Variants in RBFOX1 observed in about 807,000 individuals in gnomAD.
RBFOX1 encodes RNA binding fox-1 homolog 1, also known as RNA binding protein fox-1 homolog 1.
RBFOX1 carries 8 observed loss-of-function variants against 57.7 expected under a neutral mutation model. The observed-to-expected ratio is 0.14, with a 90% CI of 0.08 to 0.25. The LOEUF (loss-of-function observed/expected upper bound fraction) is 0.25, where lower values mean the gene tolerates loss of function less well. RBFOX1 is among the 10% of genes least tolerant of loss of function. The pLI, the probability that RBFOX1 is intolerant of heterozygous loss-of-function variation, is 1.00. For missense variants in RBFOX1, 611 were observed against 548.5 expected, an observed-to-expected ratio of 1.11 and a Z score of -1.14; for synonymous variants, 326 against 222.4, an observed-to-expected ratio of 1.47 and a Z score of -4.15.
chr16:5,910,113 C>T (rs993230868), intron 4 of RBFOX1, among the ~76,000 whole-genome samples: 1 of 151,942 alleles, frequency 6.6e-6, no homozygotes, highest in Non-Finnish European at 1.5e-5. Context: ...TGTTTTTAAT[C>T]CTCCACCAAC....
intron 1 of RBFOX1, among the ~76,000 whole-genome samples, chr16:6,183,286 C>T (rs921256449): frequency 2.6e-5 from 4 of 151,892 alleles, no homozygotes; most frequent in African/African-American, 9.7e-5. Flanking sequence ...CGAGACCATC[C>T]TGGGTAACAA....
chr16:6,258,680 G>T (rs771816803), intron 1 of RBFOX1, among the ~76,000 whole-genome samples: 2 of 152,134 alleles, frequency 1.3e-5, no homozygotes, highest in Non-Finnish European at 2.9e-5. Context: ...CAGGATAATT[G>T]TTTAAATGTT....
At chr16:5,768,345 A>G (rs1423364777) in intron 3 of RBFOX1, among the ~76,000 whole-genome samples, 2 of 152,170 alleles carry the variant, frequency 1.3e-5, no homozygotes, top group African/African-American at 4.8e-5. Flanking sequence ...AAGGCTGCTG[A>G]AATGTTAGAG....
chr16:6,371,550 C>T lies in RBFOX1; in HGVS notation c.-64+54493C>T, dbSNP rs1020126599. Among the ~76,000 whole-genome samples, 21 of 152,110 alleles carry T rather than the reference C, an allele frequency of 1.4e-4. No individual in the cohort carries two copies. In the South Asian group the frequency reaches 3.7e-3, roughly 27 times the overall value. ...TAAACCCGTAAGTTTTTTTTAATAA[C>T]ATCCTTATTCCTTGGCACCAGAAGA... On this transcript the variant is annotated intron_variant, in intron 2 of 15. Coordinates refer to ENST00000550418, the MANE Select transcript of RBFOX1 (RefSeq NM_018723.4).
At chr16:6,975,750 C>A (rs528788018) in intron 3 of RBFOX1, among the ~76,000 whole-genome samples, 1 of 152,284 alleles carries the variant, frequency 6.6e-6, no homozygotes, top group South Asian at 2.1e-4. Context: ...GTTTTCTACT[C>A]CTATGACCCC....
chr16:7,519,157 C>T (rs774964441), intron 5 of RBFOX1, among the ~76,000 whole-genome samples: 9 of 152,156 alleles, frequency 5.9e-5, no homozygotes, highest in African/African-American at 1.2e-4. Context: ...CATCTAATTT[C>T]GGAACATTTC....
intron 4 of RBFOX1, among the ~76,000 whole-genome samples, chr16:7,488,399 ATATC>A (rs2065980738): frequency 2.6e-5 from 4 of 151,526 alleles, no homozygotes; most frequent in East Asian, 2.0e-4. Flanking sequence ...ATGGACCTCT[ATATC>A]TATCTACTGT....
intron 2 of RBFOX1, among the ~76,000 whole-genome samples, chr16:6,482,479 A>C (rs2095386680): frequency 6.6e-6 from 1 of 152,248 alleles, no homozygotes; most frequent in Non-Finnish European, 1.5e-5. Flanking sequence ...AAAAAGTGAA[A>C]TAGATCTATG....
At chr16:6,236,391 T>TGAAATAGAG (rs1218129167) in intron 1 of RBFOX1, among the ~76,000 whole-genome samples, 1 of 152,082 alleles carries the variant, frequency 6.6e-6, no homozygotes, top group East Asian at 1.9e-4. Context: ...GCAGAGTACC[T>TGAAATAGAG]GAAATACAGG....
Position 6,060,122 on chromosome 16 carries a change from GTTTTTTTTTTTTTTTTTTTTTT to G in RBFOX1, c.-127+40145_-127+40166del, listed in dbSNP as rs199690584. ...ATTTGGCCCTAAAATTAGGATTAGG[GTTTTTTTTTTTTTTTTTTTTTT>G]TTTTTTTTTTTTTTACGTATAACAA... On this transcript the variant is annotated intron_variant, in intron 1 of 15. Coordinates refer to ENST00000550418, the MANE Select transcript of RBFOX1 (RefSeq NM_018723.4). 1.3e-4 allele frequency among the ~76,000 whole-genome samples: 15 copies of G among 114,204 alleles called. 1 individual carries two copies. The highest frequency in any genetic ancestry group is 1.2e-3 in the South Asian group (4 of 3,340). 74.9% of individuals were successfully genotyped at this position (114,204 alleles called of 152,430 possible).
At chr16:7,502,184 T>C (rs1410410956) in intron 4 of RBFOX1, among the ~76,000 whole-genome samples, 1 of 152,216 alleles carries the variant, frequency 6.6e-6, no homozygotes, top group African/African-American at 2.4e-5. Flanking sequence ...TCTTTGCCTG[T>C]TGCAGTAACC....
chr16:5,332,190 T>A (rs1320112), intron 1 of RBFOX1, among the ~76,000 whole-genome samples: 8 of 152,280 alleles, frequency 5.3e-5, no homozygotes, highest in East Asian at 1.9e-4. Flanking sequence ...TTATTGTTTC[T>A]TTTATTTAAC....
chr16:7,665,661 G>A (rs1410011771), intron 13 of RBFOX1, among the ~76,000 whole-genome samples: 1 of 152,046 alleles, frequency 6.6e-6, no homozygotes, highest in Non-Finnish European at 1.5e-5. Flanking sequence ...GTTATTCTCC[G>A]ACATTATGAT....
chr16:6,634,680 A>T (rs2098416734), intron 2 of RBFOX1, among the ~76,000 whole-genome samples: 1 of 144,334 alleles, frequency 6.9e-6, no homozygotes, highest in Non-Finnish European at 1.5e-5. Context: ...GTAAATATGT[A>T]CATATATAAT....
intron 3 of RBFOX1, among the ~76,000 whole-genome samples, chr16:6,957,860 G>C (rs948412299): frequency 6.6e-6 from 1 of 152,142 alleles, no homozygotes; most frequent in Non-Finnish European, 1.5e-5. Flanking sequence ...CTCCTAGCGT[G>C]ACAGTTGCAG....
At chr16:5,750,628 C>G (rs935452657) in intron 3 of RBFOX1, among the ~76,000 whole-genome samples, 3 of 152,236 alleles carry the variant, frequency 2.0e-5, no homozygotes, top group Non-Finnish European at 4.4e-5. Flanking sequence ...GCTGTGCTAG[C>G]AATGAGTGAG....
At chr16:7,224,640 A>T (rs1165294963) in intron 4 of RBFOX1, among the ~76,000 whole-genome samples, 3 of 152,172 alleles carry the variant, frequency 2.0e-5, no homozygotes, top group African/African-American at 7.2e-5. Context: ...TCCAAATGGA[A>T]ATGTCTTTTT....
intron 3 of RBFOX1, among the ~76,000 whole-genome samples, chr16:5,850,811 G>C (rs1179199471): frequency 1.3e-5 from 2 of 152,170 alleles, no homozygotes; most frequent in Non-Finnish European, 2.9e-5. Context: ...AAGGGCCCCG[G>C]GCCAGGTGTG....
chr16:7,418,446 A>G (rs2098505763), intron 4 of RBFOX1, among the ~76,000 whole-genome samples: 1 of 152,266 alleles, frequency 6.6e-6, no homozygotes, highest in Middle Eastern at 3.4e-3. Context: ...CTGCCCCTTT[A>G]GGGCGTGAGC....
Sources: gnomAD v4.1 joint callset for allele counts (sites outside exome capture counted in the v4.1 genomes callset) on GRCh38, gnomAD v4.1.1 for gene constraint, MANE v1.5 for transcripts, NCBI Gene and HGNC (gene_info 2026-07-23, HGNC 2026-07-21) for gene names.